Variants in PTPRN2 observed in about 807,000 individuals in gnomAD.
The protein encoded by PTPRN2 is receptor-type tyrosine-protein phosphatase N2.
In PTPRN2, 74 loss-of-function variants were observed where a neutral mutation model predicts 118.8. That is an observed-to-expected ratio of 0.62 (90% CI 0.52 to 0.76). PTPRN2 has a LOEUF of 0.76. PTPRN2 is among the 30% of genes least tolerant of loss of function. PTPRN2 has a pLI of 0.00. For synonymous variants in PTPRN2, 641 were observed against 608.0 expected (o/e 1.05, Z -0.80); for missense variants, 1,481 against 1,394.4 (o/e 1.06, Z -0.99).
Position 157,801,339 on chromosome 7 carries a change from A to G in PTPRN2, c.1788+97334T>C, listed in dbSNP as rs1420210455. 6.6e-6 allele frequency among the ~76,000 whole-genome samples: 1 copy of G among 152,170 alleles called. No homozygotes were observed. Among genetic ancestry groups the G allele is most frequent in the East Asian group, 1.9e-4 (1 of 5,186 alleles). On this transcript the variant is annotated intron_variant, in intron 12 of 22. Transcript: ENST00000389418. This position sits in a 1 kb window ranked among gnomAD's most constrained non-coding sequence, Gnocchi z 4.2. Reference sequence around the variant, plus strand: ...TGAGGCAGGATGAACGGCCTCATCCACGGAGCACTGCTTTGCCGTCTCCAG... The same window carrying G: ...TGAGGCAGGATGAACGGCCTCATCCGCGGAGCACTGCTTTGCCGTCTCCAG...
chr7:157,786,780 C>T (rs770034972), intron 12 of PTPRN2, among the ~76,000 whole-genome samples: 5 of 152,378 alleles, frequency 3.3e-5, no homozygotes, highest in Non-Finnish European at 7.3e-5. Flanking sequence ...ACGCGTAAGA[C>T]TCACAGAACC....
intron 5 of PTPRN2, among the ~76,000 whole-genome samples, chr7:158,176,090 C>G (rs1490069511): frequency 6.6e-6 from 1 of 152,184 alleles, no homozygotes; most frequent in Non-Finnish European, 1.5e-5. Flanking sequence ...CGCCACTCTT[C>G]CTTCTGTCAC....
intron 13 of PTPRN2, among the ~76,000 whole-genome samples, chr7:157,672,380 TG>T (rs962368007): frequency 2.6e-5 from 4 of 152,176 alleles, no homozygotes; most frequent in African/African-American, 9.7e-5. Context: ...AAGAAATCCC[TG>T]GGATGGGGAC....
chr7:158,241,601 T>C (rs894083464), intron 3 of PTPRN2, among the ~76,000 whole-genome samples: 3 of 152,196 alleles, frequency 2.0e-5, no homozygotes, highest in African/African-American at 7.2e-5. Context: ...AAAGTACGAA[T>C]CATCACACCC....
intron 3 of PTPRN2, among the ~76,000 whole-genome samples, chr7:158,244,851 G>T (rs150957498): frequency 6.6e-6 from 1 of 151,484 alleles, no homozygotes; most frequent in Non-Finnish European, 1.5e-5. Context: ...GAGTGTATGG[G>T]GGGCGTGTGT....
rs1209565841 is a variant in PTPRN2, at chr7:157,690,395, CG to C, written c.1789-7459del. On this transcript the variant is annotated intron_variant, in intron 12 of 22. Coordinates refer to ENST00000389418, the MANE Select transcript of PTPRN2 (RefSeq NM_002847.5). This position sits in a 1 kb window ranked among gnomAD's most constrained non-coding sequence, Gnocchi z 7.1. ...GCCCCCATGCGCGCCCTCCAGCCTT[CG>C]AAAGCTCTCTTCCTCGCCCCACCAC... Among the ~76,000 whole-genome samples, 1 of 152,178 alleles carries C rather than the reference CG, an allele frequency of 6.6e-6. No homozygotes were observed. Among genetic ancestry groups the C allele is most frequent in the Admixed American group, 6.5e-5 (1 of 15,286 alleles).
chr7:158,018,176 G>A (rs1035160252), intron 11 of PTPRN2, among the ~76,000 whole-genome samples: 5 of 152,214 alleles, frequency 3.3e-5, no homozygotes, highest in Admixed American at 1.3e-4. Context: ...TTCAAGGAAC[G>A]TGTGGAGCTG....
Position 158,118,091 on chromosome 7 carries a change from A to G in PTPRN2, c.1557-7176T>C, listed in dbSNP as rs753550569. 3.3e-5 allele frequency among the ~76,000 whole-genome samples: 5 copies of G among 152,364 alleles called. No homozygotes were observed. The East Asian group carries it at 5.8e-4, about 18-fold the overall frequency. ...TCTATATGATTTAAGAGACTAGTACATATCTTAAAAACAATTACTAGTTAA... is the reference window on the plus strand; with the variant it reads ...TCTATATGATTTAAGAGACTAGTACGTATCTTAAAAACAATTACTAGTTAA... On this transcript the variant is annotated intron_variant, in intron 9 of 22. Coordinates refer to ENST00000389418, the MANE Select transcript of PTPRN2 (RefSeq NM_002847.5).
At chr7:157,620,690 C>A (rs1803114313) in intron 15 of PTPRN2, among the ~76,000 whole-genome samples, 1 of 152,174 alleles carries the variant, frequency 6.6e-6, no homozygotes. Flanking sequence ...TGTCCCCAGG[C>A]CCGTGCTGGA....
At position 157,583,225 on chromosome 7, in the gene PTPRN2, AG is replaced by A. The variant is rs1800488800; in HGVS notation, c.2497-5086del. On this transcript the variant is annotated intron_variant, in intron 17 of 22. Coordinates refer to ENST00000389418, the MANE Select transcript of PTPRN2 (RefSeq NM_002847.5). The surrounding 1 kb of genome is among the most constrained non-coding windows in gnomAD (Gnocchi z 5.5). ...TAAATTGAAATAAGCCGGACACAGA[AG>A]GACAGGCACCCCATGATCTCACTCA... Among the ~76,000 whole-genome samples, 1 of 152,158 alleles carries A rather than the reference AG, an allele frequency of 6.6e-6. No homozygotes were observed. Among genetic ancestry groups the A allele is most frequent in the Non-Finnish European group, 1.5e-5 (1 of 68,016 alleles).
intron 11 of PTPRN2, among the ~76,000 whole-genome samples, chr7:157,942,641 C>T (rs1199529008): frequency 1.3e-5 from 2 of 152,226 alleles, no homozygotes; most frequent in Admixed American, 6.5e-5. Context: ...TTCACCTGTA[C>T]ATCGCAAGTG....
Position 157,727,806 on chromosome 7 carries a change from G to A in PTPRN2, c.1789-44869C>T, listed in dbSNP as rs575194271. Among the ~76,000 whole-genome samples, 17 of 152,290 alleles carry A rather than the reference G, an allele frequency of 1.1e-4. No homozygotes were observed. The South Asian group carries it at 3.5e-3, about 32-fold the overall frequency. ...GAGCAGTGATTGAGCCCAGACCCCCGCGACCAGCTCTGCTGCTGGCCCTGC... is the reference window on the plus strand; with the variant it reads ...GAGCAGTGATTGAGCCCAGACCCCCACGACCAGCTCTGCTGCTGGCCCTGC... On this transcript the variant is annotated intron_variant, in intron 12 of 22. Transcript: ENST00000389418.
chr7:158,155,781 TTAC>T lies in PTPRN2; in HGVS notation c.910+11147_910+11149del, dbSNP rs76916384. On this transcript the variant is annotated intron_variant, in intron 6 of 22. Coordinates refer to ENST00000389418, the MANE Select transcript of PTPRN2 (RefSeq NM_002847.5). ...ATCATCATCACCATCAACACTATCATTACCATCATCAACACCATCATCATCACC... is the reference window on the plus strand; with the variant it reads ...ATCATCATCACCATCAACACTATCATCATCATCAACACCATCATCATCACC... Among the ~76,000 whole-genome samples the T allele has an allele frequency of 8.8e-3, 377 of 42,974 alleles. 1 individual carries two copies. Among genetic ancestry groups the T allele is most frequent in the Middle Eastern group, 0.038 (2 of 52 alleles). The allele number at this position is 42,974 out of a possible 152,430, so 28.2% of individuals were successfully genotyped here.
intron 2 of PTPRN2, among the ~76,000 whole-genome samples, chr7:158,410,617 A>G (rs1813970505): frequency 6.6e-6 from 1 of 152,236 alleles, no homozygotes; most frequent in African/African-American, 2.4e-5. Context: ...AAAGTGAAAT[A>G]ACAAAACCAC....
intron 11 of PTPRN2, among the ~76,000 whole-genome samples, chr7:158,037,535 G>A (rs969050032): frequency 2.0e-5 from 3 of 152,152 alleles, no homozygotes; most frequent in Admixed American, 1.3e-4. Context: ...TGTAGGCAAC[G>A]CTAACACAAT....
intron 12 of PTPRN2, among the ~76,000 whole-genome samples, chr7:157,841,684 G>A (rs1006978470): frequency 1.3e-5 from 2 of 152,232 alleles, no homozygotes; most frequent in Non-Finnish European, 2.9e-5. Flanking sequence ...TCAGGAGCAC[G>A]TGGGACAATA....
intron 12 of PTPRN2, among the ~76,000 whole-genome samples, chr7:157,851,644 C>T (rs1563171528): frequency 6.6e-6 from 1 of 152,180 alleles, no homozygotes; most frequent in African/African-American, 2.4e-5. Flanking sequence ...CTGCAGAGAC[C>T]GCCCAGCTCT....
chr7:158,016,454 G>A lies in PTPRN2; in HGVS notation c.1723+64844C>T, dbSNP rs180991250. Among the ~76,000 whole-genome samples the A allele has an allele frequency of 1.7e-3, 261 of 152,322 alleles. 3 individuals carry two copies. Among genetic ancestry groups the A allele is most frequent in the African/African-American group, 5.4e-3 (225 of 41,566 alleles). ...TCAGGGGCCTCCCTGTCCGAGGCGCGGAGCCCAGCATGGCTGACTTCCTCT... is the reference window on the plus strand; with the variant it reads ...TCAGGGGCCTCCCTGTCCGAGGCGCAGAGCCCAGCATGGCTGACTTCCTCT... On this transcript the variant is annotated intron_variant, in intron 11 of 22. Transcript: ENST00000389418.
intron 14 of PTPRN2, among the ~76,000 whole-genome samples, chr7:157,639,636 G>C (rs957202964): frequency 9.9e-5 from 15 of 152,248 alleles, no homozygotes; most frequent in African/African-American, 3.6e-4. Context: ...CTCAAGCCCT[G>C]GGTGGAAGGC....
Sources: allele counts gnomAD v4.1 joint callset (sites outside exome capture counted in the v4.1 genomes callset), GRCh38; gene constraint gnomAD v4.1.1; non-coding constraint Gnocchi (gnomAD v3.1); transcripts MANE v1.5; gene names NCBI Gene and HGNC (gene_info 2026-07-23, HGNC 2026-07-21).